The following BCL7C variants were observed in gnomAD, a reference collection of about 807,000 sequenced individuals.
BCL7C encodes the protein B-cell CLL/lymphoma 7 protein family member C.
A neutral mutation model predicts 26.2 loss-of-function variants in BCL7C; 8 were observed. The observed-to-expected ratio is 0.30, with a 90% CI of 0.18 to 0.55. BCL7C has a LOEUF of 0.55. Ranked by LOEUF, BCL7C falls within the 20% of genes least tolerant of loss-of-function variation. The pLI is 0.93. For missense variants in BCL7C, 262 were observed against 298.5 expected, an observed-to-expected ratio of 0.88 and a Z score of 0.90; for synonymous variants, 90 against 116.5, an observed-to-expected ratio of 0.77 and a Z score of 1.47.
chr16:30,870,623 T>C (rs2054874835), intron 5 of BCL7C, among the ~76,000 whole-genome samples: 1 of 152,128 alleles, frequency 6.6e-6, no homozygotes, highest in Admixed American at 6.6e-5. Flanking sequence ...TGCAGTGAGC[T>C]GTACTCCAGC....
At chr16:30,861,831 A>G (rs180872093) in intron 5 of BCL7C, among the ~76,000 whole-genome samples, 4 of 143,538 alleles carry the variant, frequency 2.8e-5, no homozygotes, top group East Asian at 2.0e-4. Context: ...AAACTCCCCA[A>G]TTCTGGTGCC....
rs1187827463 is a variant in BCL7C at position 30,879,689 on chromosome 16, C to CAAAAAAA, written c.528+9164_528+9170dup. 1.0e-3 allele frequency among the ~76,000 whole-genome samples: 30 copies of CAAAAAAA among 29,394 alleles called. 8 individuals carry two copies. Among genetic ancestry groups the CAAAAAAA allele is most frequent in the East Asian group, 6.0e-3 (6 of 1,004 alleles). The allele number at this position is 29,394 out of a possible 152,430, so 19.3% of individuals were successfully genotyped here. A position where few individuals can be genotyped will look rare whatever the true frequency, so the allele number is the denominator to read the frequency against. On this transcript the variant is annotated intron_variant, in intron 5 of 5. Transcript: ENST00000380317. ...AACACAGAGAGACTCCCCTTCTCTA[C>CAAAAAAA]AAAAAAAAAAAAAAAAAAAACTGGG...
At chr16:30,843,553 C>T (rs977534295) in intron 5 of BCL7C, among the ~76,000 whole-genome samples, 7 of 150,030 alleles carry the variant, frequency 4.7e-5, no homozygotes, top group African/African-American at 7.4e-5. Context: ...AGAGTGAGAC[C>T]CTGACTCAAA....
At chr16:30,886,825 G>C (rs2055139756), downstream of BCL7C, among the ~76,000 whole-genome samples, 1 of 152,148 alleles carries the variant, frequency 6.6e-6, no homozygotes, top group African/African-American at 2.4e-5. Flanking sequence ...GGCAGGGAAT[G>C]GGTTGGTCAT....
intron 5 of BCL7C, among the ~76,000 whole-genome samples, chr16:30,880,301 T>C (rs1376967482): frequency 6.6e-6 from 1 of 150,970 alleles, no homozygotes; most frequent in Non-Finnish European, 1.5e-5. Context: ...CTGGGCAATA[T>C]GGTGAGACCC....
chr16:30,870,105 G>A (rs2054869838), intron 5 of BCL7C, among the ~76,000 whole-genome samples: 1 of 152,098 alleles, frequency 6.6e-6, no homozygotes, highest in Non-Finnish European at 1.5e-5. Context: ...TGCAGTAAAT[G>A]GGAGCCATTG....
chr16:30,846,911 C>G (rs1001944575), intron 5 of BCL7C, among the ~76,000 whole-genome samples: 1 of 152,268 alleles, frequency 6.6e-6, no homozygotes, highest in Admixed American at 6.5e-5. Context: ...GAAGCACATG[C>G]CTTGGGAACC....
chr16:30,873,096 G>A (rs200138157), intron 5 of BCL7C, among the ~76,000 whole-genome samples: 1 of 143,838 alleles, frequency 7.0e-6, no homozygotes, highest in Non-Finnish European at 1.5e-5. Flanking sequence ...GTATTCAAAA[G>A]GAAACTTTAA....
intron 5 of BCL7C, among the ~76,000 whole-genome samples, chr16:30,857,664 T>G (rs1275761398): frequency 6.6e-6 from 1 of 151,980 alleles, no homozygotes; most frequent in African/African-American, 2.4e-5. Flanking sequence ...TTCAGCTGTT[T>G]TTTCTTGAAA....
In BCL7C at chr16:30,893,993, G is replaced by A. The variant is rs2055305579; in HGVS notation, c.-49C>T. On this transcript the variant is annotated 5_prime_UTR_variant, in exon 1 of 6. The change creates a new upstream start codon in the 5' untranslated region. Transcript: ENST00000215115. This position sits in a 1 kb window ranked among gnomAD's most constrained non-coding sequence, Gnocchi z 5.2. ...CGAGCCCGCGGCGGGGCCGCCTCCC[G>A]TCCGGCGGGCTCAGGCTCCGCGCCA... 7.7e-6 allele frequency: 8 copies of A among 1,041,774 alleles called. No individual in the cohort carries two copies. Among genetic ancestry groups the A allele is most frequent in the Non-Finnish European group, 9.6e-6 (8 of 833,930 alleles). 64.5% of individuals were successfully genotyped at this position (1,041,774 alleles called of 1,614,324 possible). A position where few individuals can be genotyped will look rare whatever the true frequency, so the allele number is the denominator to read the frequency against.
intron 5 of BCL7C, among the ~76,000 whole-genome samples, chr16:30,849,784 GTCTT>G (rs2054660251): frequency 6.7e-6 from 1 of 148,660 alleles, no homozygotes; most frequent in Non-Finnish European, 1.5e-5. Flanking sequence ...TGGAGTCAGG[GTCTT>G]TCTGTCACTC....
At chr16:30,884,169 G>A (rs1209804312), downstream of BCL7C, among the ~76,000 whole-genome samples, 1 of 151,084 alleles carries the variant, frequency 6.6e-6, no homozygotes, top group African/African-American at 2.4e-5. Flanking sequence ...ATGAGAGGGT[G>A]GGGGCATGCC....
In BCL7C at chr16:30,834,342, GGCGCTGGAGGTCTCCCA is replaced by G. The variant is rs1244910577; in HGVS notation, c.*589_*605del. On this transcript the variant is annotated 3_prime_UTR_variant, in exon 6 of 6. Coordinates refer to the BCL7C transcript ENST00000380317. This position sits in a 1 kb window ranked among gnomAD's most constrained non-coding sequence, Gnocchi z 4.3. ...TGGAACCACTTGCCGTATGTCCTCG[GGCGCTGGAGGTCTCCCA>G]GCGCTGGCATACATAAGCCCTGGCG... is the stretch of plus-strand genomic sequence containing the variant. 1 of 152,286 alleles carries G rather than the reference GGCGCTGGAGGTCTCCCA, an allele frequency of 6.6e-6. No homozygotes were observed. The highest frequency in any genetic ancestry group is 1.5e-5 in the Non-Finnish European group (1 of 68,072). 9.4% of individuals were successfully genotyped at this position (152,286 alleles called of 1,614,324 possible).
chr16:30,876,569 T>TTCTA (rs2054953257), intron 5 of BCL7C, among the ~76,000 whole-genome samples: 2 of 152,260 alleles, frequency 1.3e-5, no homozygotes, highest in African/African-American at 4.8e-5. Flanking sequence ...TGTGGCCTTA[T>TTCTA]TCTAGCAGGG....
intron 5 of BCL7C, among the ~76,000 whole-genome samples, chr16:30,868,152 G>C (rs868472993): frequency 1.3e-4 from 17 of 127,876 alleles, no homozygotes; most frequent in Non-Finnish European, 2.2e-4. Context: ...TTTTGAGACA[G>C]AGTCTTGCTC....
chr16:30,847,744 C>T (rs1393788497), intron 5 of BCL7C, among the ~76,000 whole-genome samples: 2 of 151,448 alleles, frequency 1.3e-5, no homozygotes, highest in African/African-American at 4.9e-5. Context: ...TGCCAAGAGC[C>T]GAGATTGTGC....
chr16:30,878,314 A>G (rs1264065578), intron 5 of BCL7C, among the ~76,000 whole-genome samples: 3 of 151,912 alleles, frequency 2.0e-5, no homozygotes, highest in Non-Finnish European at 4.4e-5. Context: ...ACGGATCACA[A>G]GGTCAGGAGA....
intron 5 of BCL7C, among the ~76,000 whole-genome samples, chr16:30,881,425 C>CACACACACA (rs1491523089): frequency 1.4e-5 from 2 of 142,924 alleles, no homozygotes; most frequent in Non-Finnish European, 3.1e-5. Flanking sequence ...CACACACACA[C>CACACACACA]AACAAAAAAT....
Position 30,874,293 on chromosome 16 carries a change from G to T in BCL7C, c.528+14567C>A, listed in dbSNP as rs552408113. ...TTACAGGCGTGAGCCACTGAGCCCAGCCTAAATTCAATTATTAAACTCCTT... is the reference window on the plus strand; with the variant it reads ...TTACAGGCGTGAGCCACTGAGCCCATCCTAAATTCAATTATTAAACTCCTT... On this transcript the variant is annotated intron_variant, in intron 5 of 5. Coordinates refer to the BCL7C transcript ENST00000380317. Among the ~76,000 whole-genome samples, 66 of 151,808 alleles carry T rather than the reference G, an allele frequency of 4.3e-4. No homozygotes were observed. In the South Asian group the frequency reaches 5.9e-3, roughly 14 times the overall value.
Sources: allele counts gnomAD v4.1 joint callset (sites outside exome capture counted in the v4.1 genomes callset), GRCh38; gene constraint gnomAD v4.1.1; non-coding constraint Gnocchi (gnomAD v3.1); transcripts MANE v1.5; gene names NCBI Gene and HGNC (gene_info 2026-07-23, HGNC 2026-07-21).